Variants in SDK1 observed in about 807,000 individuals in gnomAD.
SDK1 encodes protein sidekick-1.
In SDK1, 157 loss-of-function variants were observed where a neutral mutation model predicts 245.5. The observed-to-expected ratio is 0.64, with a 90% confidence interval of 0.56 to 0.73. The LOEUF (loss-of-function observed/expected upper bound fraction) is 0.73, where lower values mean the gene tolerates loss of function less well. SDK1 is among the 30% of genes least tolerant of loss of function. The probability of loss-of-function intolerance (pLI) is 0.00; values close to 1 mark genes in which losing one functional copy is unlikely to be tolerated. For missense variants in SDK1, 3,583 were observed against 3,002.3 expected, an observed-to-expected ratio of 1.19 and a Z score of -4.52; for synonymous variants, 1,647 against 1,278.5, an observed-to-expected ratio of 1.29 and a Z score of -6.15.
chr7:4,091,334 C>CTTTTCTCTTTTTTTTT (rs1259034611), intron 22 of SDK1, among the ~76,000 whole-genome samples: 6 of 108,260 alleles, frequency 5.5e-5, no homozygotes, highest in Non-Finnish European at 1.1e-4. Context: ...CTTTTCTTTT[C>CTTTTCTCTTTTTTTTT]TTTTTTTTTT....
At chr7:3,495,972 C>T (rs570158509) in intron 1 of SDK1, among the ~76,000 whole-genome samples, 8 of 152,176 alleles carry the variant, frequency 5.3e-5, no homozygotes, top group Admixed American at 6.5e-5. Flanking sequence ...CTAGAACATA[C>T]TTATCTTTTC....
intron 35 of SDK1, among the ~76,000 whole-genome samples, chr7:4,181,226 C>T (rs186203273): frequency 2.6e-5 from 4 of 152,348 alleles, no homozygotes; most frequent in African/African-American, 4.8e-5. Flanking sequence ...TCCTTGCCCT[C>T]GGCGTGAGGT....
intron 1 of SDK1, among the ~76,000 whole-genome samples, chr7:3,531,228 G>C (rs1185483209): frequency 1.3e-5 from 2 of 152,102 alleles, no homozygotes; most frequent in Non-Finnish European, 2.9e-5. Context: ...GTTTTTACTT[G>C]ATCACATCGA....
At chr7:4,122,136 C>A (rs370557141) in intron 25 of SDK1, among the ~76,000 whole-genome samples, 1 of 152,130 alleles carries the variant, frequency 6.6e-6, no homozygotes, top group African/African-American at 2.4e-5. Context: ...TTCCGCTCCC[C>A]CTCCTTGTGT....
intron 4 of SDK1, among the ~76,000 whole-genome samples, chr7:3,677,106 C>T (rs1053594193): frequency 1.3e-5 from 2 of 152,070 alleles, no homozygotes; most frequent in Non-Finnish European, 2.9e-5. Flanking sequence ...TTCAAATATC[C>T]TTTTCTTAGT....
intron 35 of SDK1, among the ~76,000 whole-genome samples, chr7:4,203,022 C>T (rs73674237): frequency 0.011 from 1,717 of 152,326 alleles, 39 homozygotes; most frequent in African/African-American, 0.039. Context: ...TCGCTGGCCA[C>T]TTAGGGACGG....
chr7:3,311,577 A>G (rs1290092496), intron 1 of SDK1, among the ~76,000 whole-genome samples: 1 of 152,196 alleles, frequency 6.6e-6, no homozygotes, highest in African/African-American at 2.4e-5. Context: ...GAAATCTATT[A>G]TTGAGGCTGG....
chr7:3,732,388 C>G (rs1351948636), intron 4 of SDK1, among the ~76,000 whole-genome samples: 3 of 152,154 alleles, frequency 2.0e-5, no homozygotes, highest in African/African-American at 7.2e-5. Flanking sequence ...GTAGAACTTT[C>G]TAAAAGTCCG....
chr7:3,390,415 CTG>C (rs1230596791), intron 1 of SDK1, among the ~76,000 whole-genome samples: 1 of 152,204 alleles, frequency 6.6e-6, no homozygotes, highest in Non-Finnish European at 1.5e-5. Flanking sequence ...ATTGTAAGAA[CTG>C]TGCATCCTCT....
intron 1 of SDK1, among the ~76,000 whole-genome samples, chr7:3,572,247 C>G (rs1277148465): frequency 1.3e-5 from 2 of 151,996 alleles, no homozygotes; most frequent in Non-Finnish European, 2.9e-5. Context: ...GTTTCTTTGT[C>G]AGACCTTTAG....
chr7:3,898,161 G>A (rs975998878), intron 5 of SDK1, among the ~76,000 whole-genome samples: 1 of 152,220 alleles, frequency 6.6e-6, no homozygotes, highest in African/African-American at 2.4e-5. Flanking sequence ...AAGAACAGAA[G>A]TGCAGATACG....
At chr7:3,718,081 G>A (rs768811236) in intron 4 of SDK1, among the ~76,000 whole-genome samples, 3 of 152,140 alleles carry the variant, frequency 2.0e-5, no homozygotes, top group Non-Finnish European at 4.4e-5. Context: ...AACCAAGTGG[G>A]TGTTATTCCA....
chr7:3,851,469 G>C (rs964734061), intron 5 of SDK1, among the ~76,000 whole-genome samples: 1 of 152,002 alleles, frequency 6.6e-6, no homozygotes, highest in Admixed American at 6.6e-5. Flanking sequence ...TTTGCATTGC[G>C]TGTTTATGTT....
rs1008168617 is a variant in SDK1, at chr7:3,405,291, G to A, written c.298+103407G>A. 2.0e-5 allele frequency among the ~76,000 whole-genome samples: 3 copies of A among 152,136 alleles called. No individual in the cohort carries two copies. In the South Asian group the frequency reaches 6.2e-4, roughly 32 times the overall value. ...TATAGGAGTTGAAGTGTGAGGTGGA[G>A]AGTAAGAGTAACTGGGGGTAAAACT... On this transcript the variant is annotated intron_variant, in intron 1 of 44. Transcript: ENST00000404826.
At chr7:4,041,171 G>A (rs1788605345) in intron 17 of SDK1, among the ~76,000 whole-genome samples, 2 of 152,188 alleles carry the variant, frequency 1.3e-5, no homozygotes, top group African/African-American at 4.8e-5. Flanking sequence ...GGGTCCATGG[G>A]GGTGTCAGGG....
At chr7:4,150,150 C>T (rs921192898) in intron 30 of SDK1, among the ~76,000 whole-genome samples, 3 of 152,140 alleles carry the variant, frequency 2.0e-5, no homozygotes, top group African/African-American at 7.2e-5. Context: ...GATGGGCATC[C>T]CAGGGCTTAG....
chr7:4,177,409 G>A (rs1019065762), intron 34 of SDK1, among the ~76,000 whole-genome samples: 11 of 152,206 alleles, frequency 7.2e-5, no homozygotes, highest in African/African-American at 1.9e-4. Flanking sequence ...CACTTAGTGC[G>A]GAGCTGGTGC....
intron 25 of SDK1, among the ~76,000 whole-genome samples, chr7:4,118,537 G>A (rs1475187745): frequency 6.6e-6 from 1 of 152,202 alleles, no homozygotes; most frequent in Non-Finnish European, 1.5e-5. Flanking sequence ...AGGAGGTTGA[G>A]CAGGGAGTCA....
At chr7:4,072,192 C>T (rs1780296291) in intron 20 of SDK1, among the ~76,000 whole-genome samples, 1 of 152,184 alleles carries the variant, frequency 6.6e-6, no homozygotes, top group Admixed American at 6.5e-5. Flanking sequence ...CTTCGAAGCT[C>T]GAGCTTTCCT....
Sources: allele counts gnomAD v4.1 joint callset (sites outside exome capture counted in the v4.1 genomes callset), GRCh38; gene constraint gnomAD v4.1.1; transcripts MANE v1.5; gene names NCBI Gene and HGNC (gene_info 2026-07-23, HGNC 2026-07-21).